SYCP2L: variants seen among roughly 807,000 people sequenced by gnomAD.
SYCP2L encodes synaptonemal complex protein 2-like.
A neutral mutation model predicts 125.8 loss-of-function variants in SYCP2L; 98 were observed. The ratio of observed to expected loss-of-function variants is 0.78; its 90% CI spans 0.66 to 0.92. SYCP2L has a LOEUF of 0.92. Ranked by LOEUF, SYCP2L falls within the 40% of genes least tolerant of loss-of-function variation. SYCP2L has a pLI of 0.00. For synonymous variants in SYCP2L, 317 were observed against 325.4 expected (o/e 0.97, Z 0.28); for missense variants, 842 against 936.4 (o/e 0.90, Z 1.32).
chr6:10,917,076 T>C (rs1169846334), intron 14 of SYCP2L, among the ~76,000 whole-genome samples: 1 of 152,246 alleles, frequency 6.6e-6, no homozygotes, highest in Non-Finnish European at 1.5e-5. Context: ...TGGTCTATCT[T>C]GGAGAAAGTT....
At chr6:10,918,487 C>G (rs959522241) in intron 14 of SYCP2L, among the ~76,000 whole-genome samples, 1 of 151,740 alleles carries the variant, frequency 6.6e-6, no homozygotes, top group South Asian at 2.1e-4. Flanking sequence ...TTTTCTTTGT[C>G]TTTGTTGTAT....
intron 29 of SYCP2L, among the ~76,000 whole-genome samples, chr6:10,965,677 AAAG>A (rs1365556024): frequency 6.6e-6 from 1 of 152,228 alleles, no homozygotes; most frequent in Admixed American, 6.5e-5. Flanking sequence ...TAGTTTTTTA[AAAG>A]AAGGATAATG....
chr6:10,931,456 TC>T lies in SYCP2L; in HGVS notation c.1653del (p.Ser552ValfsTer44), dbSNP rs772012807. 2.5e-6 allele frequency: 4 copies of T among 1,614,132 alleles called. No individual in the cohort carries two copies. Among genetic ancestry groups the T allele is most frequent in the Non-Finnish European group, 3.4e-6 (4 of 1,179,992 alleles). ...SNLRILPVFPPSSGSGHEKDQ... is the reference protein window; with the variant it reads ...SNLRILPVFPXSSGSGHEKDQ... ...TCAATTTAGTCTTGCCAGTTTTCCC[TC>T]CCAGTAGTGGCAGTGGCCATGAGAA... On this transcript the variant is annotated frameshift_variant, in exon 20 of 30. Transcript: ENST00000283141. LOFTEE classifies it high-confidence loss of function.
In SYCP2L at chr6:10,887,101, C is replaced by T. The variant is rs1320947429; in HGVS notation, c.-26C>T. On this transcript the variant is annotated 5_prime_UTR_variant, in exon 1 of 30. Coordinates refer to ENST00000283141, the MANE Select transcript of SYCP2L (RefSeq NM_001040274.3). ...AGCGCAACAAAGCTGAGCGGCGCGTCGCTTCAGGAACGAAGAAGCCTCGTT... is the reference window on the plus strand; with the variant it reads ...AGCGCAACAAAGCTGAGCGGCGCGTTGCTTCAGGAACGAAGAAGCCTCGTT... The T allele has an allele frequency of 8.7e-6, 14 of 1,613,954 alleles. No individual in the cohort carries two copies. The highest frequency in any genetic ancestry group is 2.7e-5 in the African/African-American group (2 of 74,950).
intron 14 of SYCP2L, among the ~76,000 whole-genome samples, chr6:10,924,241 T>A (rs530023639): frequency 4.9e-4 from 75 of 152,264 alleles, no homozygotes; most frequent in Non-Finnish European, 8.8e-4. Context: ...TATCTTCATT[T>A]CTTTGCTGCT....
intron 20 of SYCP2L, among the ~76,000 whole-genome samples, chr6:10,932,993 A>G: frequency 6.6e-6 from 1 of 152,194 alleles, no homozygotes; most frequent in East Asian, 1.9e-4. Flanking sequence ...ATCTCAAGTG[A>G]TCCACCTGCC....
chr6:10,955,149 A>C lies in SYCP2L; in HGVS notation c.1988A>C (p.Gln663Pro). ...GAAGGTAGTTTTGCTAAGTCACAAC[A>C]ATCAAGATTGGAAGAAGAGGTTGCT... Reference protein sequence around the residue: ...IPEGSFAKSQQSRLEEEVAPG... With the variant: ...IPEGSFAKSQPSRLEEEVAPG... Residue 663 changes from glutamine to proline, a missense_variant, in exon 24 of 30, where the codon CAA becomes CCA. Transcript: ENST00000283141. The C allele has an allele frequency of 1.2e-6, 2 of 1,613,644 alleles. No homozygotes were observed.
Position 10,955,141 on chromosome 6 carries a change from G to A in SYCP2L, c.1980G>A (p.Lys660=). Residue 660 remains lysine, a synonymous_variant, in exon 24 of 30, where the codon AAG becomes AAA. Transcript: ENST00000283141. The part of the protein sequence containing the change: ...DKDIPEGSFA[K]SQQSRLEEEV... ...ACATACCAGAAGGTAGTTTTGCTAA[G>A]TCACAACAATCAAGATTGGAAGAAG... The A allele has an allele frequency of 2.5e-6, 4 of 1,613,446 alleles. No individual in the cohort carries two copies. The highest frequency in any genetic ancestry group is 3.4e-6 in the Non-Finnish European group (4 of 1,179,370).
intron 14 of SYCP2L, among the ~76,000 whole-genome samples, chr6:10,917,615 A>G (rs1212752186): frequency 2.0e-5 from 3 of 152,196 alleles, no homozygotes; most frequent in Non-Finnish European, 4.4e-5. Context: ...GTATCTCTTA[A>G]GTGGAGCATT....
At chr6:10,961,196 A>G (rs1781586855) in intron 26 of SYCP2L, 109 bp from the exon 27 acceptor site, 7 of 830,920 alleles carry the variant, frequency 8.4e-6, no homozygotes, top group Non-Finnish European at 1.4e-5. Context: ...ATGACAAGAA[A>G]TGTCTGGAGA....
intron 25 of SYCP2L, among the ~76,000 whole-genome samples, chr6:10,957,115 C>A (rs1215808247): frequency 6.6e-6 from 1 of 152,198 alleles, no homozygotes; most frequent in Non-Finnish European, 1.5e-5. Flanking sequence ...AGGTGTGAGC[C>A]ACTGTACCTG....
intron 6 of SYCP2L, among the ~76,000 whole-genome samples, chr6:10,900,950 A>C (rs1277094243): frequency 2.6e-5 from 4 of 152,286 alleles, no homozygotes; most frequent in Non-Finnish European, 5.9e-5. Context: ...CTACTGTCTA[A>C]TCCCTCTCTC....
At chr6:10,892,157 C>G (rs558768080) in intron 2 of SYCP2L, among the ~76,000 whole-genome samples, 4 of 152,316 alleles carry the variant, frequency 2.6e-5, no homozygotes, top group African/African-American at 9.6e-5. Flanking sequence ...ACAGCCAGTT[C>G]AAAGGCCCCG....
At chr6:10,963,690 A>G (rs1781628868) in intron 28 of SYCP2L, 92 bp from the exon 29 acceptor site, 18 of 1,288,686 alleles carry the variant, frequency 1.4e-5, no homozygotes, top group Non-Finnish European at 2.0e-5. Context: ...GGTCTGTGAA[A>G]TAACTCTGAT....
rs559374571 is a variant in SYCP2L at position 10,889,724 on chromosome 6, G to A, written c.10-1789G>A. ...CAACCTCCGCGTCCCGGGTTCAAGCGATTCTCTTGCTTCAGCCTCCCCCGT... is the reference window on the plus strand; with the variant it reads ...CAACCTCCGCGTCCCGGGTTCAAGCAATTCTCTTGCTTCAGCCTCCCCCGT... On this transcript the variant is annotated intron_variant, in intron 1 of 29. Transcript: ENST00000283141. 4.0e-5 allele frequency among the ~76,000 whole-genome samples: 6 copies of A among 150,390 alleles called. 1 individual carries two copies. The South Asian group carries it at 1.3e-3, about 32-fold the overall frequency.
intron 4 of SYCP2L, among the ~76,000 whole-genome samples, chr6:10,897,092 A>G (rs1430399667): frequency 2.0e-5 from 3 of 152,168 alleles, no homozygotes; most frequent in Non-Finnish European, 2.9e-5. Context: ...TGGGAAAAAT[A>G]AGATGGCTTT....
At chr6:10,925,231 G>A (rs1780876082) in intron 15 of SYCP2L, among the ~76,000 whole-genome samples, 1 of 152,138 alleles carries the variant, frequency 6.6e-6, no homozygotes, top group Non-Finnish European at 1.5e-5. Context: ...AACAGCATGG[G>A]AAAGACCCAT....
chr6:10,962,763 C>T (rs948775190), intron 28 of SYCP2L, among the ~76,000 whole-genome samples: 1 of 152,168 alleles, frequency 6.6e-6, no homozygotes, highest in African/African-American at 2.4e-5. Context: ...TTGCAAATCT[C>T]TTTACTGTCT....
At chr6:10,901,724 A>G (rs562831143) in intron 6 of SYCP2L, among the ~76,000 whole-genome samples, 11 of 152,316 alleles carry the variant, frequency 7.2e-5, no homozygotes, top group African/African-American at 2.4e-4. Flanking sequence ...CTAGTCAACA[A>G]CTGCTGAGGT....
Sources: allele counts gnomAD v4.1 joint callset (sites outside exome capture counted in the v4.1 genomes callset), GRCh38; gene constraint gnomAD v4.1.1; transcripts MANE v1.5; gene names NCBI Gene and HGNC (gene_info 2026-07-23, HGNC 2026-07-21).